Variants in ROBO1 observed in about 807,000 individuals in gnomAD.
ROBO1 encodes the protein roundabout homolog 1.
Under a neutral mutation model 195.9 loss-of-function variants are expected in ROBO1, and 149 were observed. The observed-to-expected ratio is 0.76, with a 90% CI of 0.67 to 0.87. The LOEUF (loss-of-function observed/expected upper bound fraction) is 0.87, where lower values mean the gene tolerates loss of function less well. Among genes scored for constraint, ROBO1 ranks in the 40% least tolerant of loss-of-function variants. ROBO1 has a pLI of 0.00. For missense variants in ROBO1, 1,933 were observed against 2,068.3 expected, an observed-to-expected ratio of 0.93 and a Z score of 1.27; for synonymous variants, 816 against 733.2, an observed-to-expected ratio of 1.11 and a Z score of -1.82.
At chr3:78,620,507 G>A (rs762573839) in intron 26 of ROBO1, among the ~76,000 whole-genome samples, 16 of 151,694 alleles carry the variant, frequency 1.1e-4, no homozygotes, top group African/African-American at 1.4e-4. Context: ...GGGAGACTCC[G>A]TCTCAAAAAA....
intron 2 of ROBO1, among the ~76,000 whole-genome samples, chr3:79,361,055 A>G (rs1559844858): frequency 6.6e-6 from 1 of 152,094 alleles, no homozygotes; most frequent in East Asian, 1.9e-4. Context: ...TTCTTTGTTT[A>G]GTCTGAAGTA....
At chr3:79,542,515 C>T (rs1942110944) in intron 2 of ROBO1, among the ~76,000 whole-genome samples, 1 of 152,034 alleles carries the variant, frequency 6.6e-6, no homozygotes, top group Non-Finnish European at 1.5e-5. Flanking sequence ...GCTTCAGCTA[C>T]ATCTTCAATT....
intron 3 of ROBO1, among the ~76,000 whole-genome samples, chr3:79,052,226 G>T (rs911908692): frequency 2.6e-5 from 4 of 152,052 alleles, no homozygotes; most frequent in African/African-American, 9.7e-5. Flanking sequence ...GGCCGCTCTG[G>T]GAGTGTTTGT....
chr3:78,604,608 A>G (rs1703363644), intron 29 of ROBO1, among the ~76,000 whole-genome samples: 1 of 152,222 alleles, frequency 6.6e-6, no homozygotes, highest in Non-Finnish European at 1.5e-5. Flanking sequence ...TAGAGGCATC[A>G]GCCTGAAATG....
At chr3:78,816,341 TTATTGACAATGTACCCAGTCACC>T (rs56710887) in intron 4 of ROBO1, among the ~76,000 whole-genome samples, 99,231 of 151,678 alleles carry the variant, frequency 0.65, 33,721 homozygotes, top group South Asian at 0.8. Flanking sequence ...ATATTACTGC[TTATTGACAATGTACCCAGTCACC>T]TGAGAACTCT....
intron 10 of ROBO1, among the ~76,000 whole-genome samples, chr3:78,677,884 C>A (rs1018674924): frequency 3.3e-5 from 5 of 151,486 alleles, no homozygotes; most frequent in African/African-American, 4.8e-5. Context: ...TTTTTCAGCA[C>A]CACACCACAC....
chr3:79,180,311 T>C (rs2081319168), intron 2 of ROBO1, among the ~76,000 whole-genome samples: 1 of 152,216 alleles, frequency 6.6e-6, no homozygotes, highest in Non-Finnish European at 1.5e-5. Context: ...AAGACCTTTA[T>C]TTCAGGCACT....
chr3:79,721,674 T>A (rs1431689851), intron 1 of ROBO1, among the ~76,000 whole-genome samples: 1 of 152,304 alleles, frequency 6.6e-6, no homozygotes, highest in Admixed American at 6.5e-5. Flanking sequence ...AAAAGTGAAA[T>A]GCAGGATGAG....
intron 10 of ROBO1, among the ~76,000 whole-genome samples, chr3:78,671,561 T>A (rs1708066902): frequency 6.6e-6 from 1 of 151,682 alleles, no homozygotes; most frequent in South Asian, 2.1e-4. Context: ...TCCTCATTTG[T>A]CATGCAATAA....
intron 3 of ROBO1, among the ~76,000 whole-genome samples, chr3:79,051,834 G>T (rs920616580): frequency 2.0e-5 from 3 of 151,948 alleles, no homozygotes; most frequent in African/African-American, 4.8e-5. Flanking sequence ...AGATTTCATG[G>T]ACACTGATCA....
intron 1 of ROBO1, among the ~76,000 whole-genome samples, chr3:79,693,610 A>AT (rs993347142): frequency 6.6e-6 from 1 of 151,370 alleles, no homozygotes; most frequent in African/African-American, 2.4e-5. Context: ...TTTTATAATT[A>AT]TTTTTTCACA....
intron 2 of ROBO1, among the ~76,000 whole-genome samples, chr3:79,396,150 G>T (rs960680183): frequency 6.6e-5 from 10 of 151,920 alleles, no homozygotes; most frequent in African/African-American, 2.2e-4. Context: ...CTGAATGCAG[G>T]GGCTTTAATG....
At chr3:78,840,260 T>A (rs1227971559) in intron 4 of ROBO1, among the ~76,000 whole-genome samples, 1 of 152,168 alleles carries the variant, frequency 6.6e-6, no homozygotes, top group Non-Finnish European at 1.5e-5. Flanking sequence ...TGCGATTTGG[T>A]AATATCTGAA....
At chr3:78,869,545 C>A (rs1040729039) in intron 4 of ROBO1, among the ~76,000 whole-genome samples, 1 of 152,114 alleles carries the variant, frequency 6.6e-6, no homozygotes, top group Admixed American at 6.6e-5. Flanking sequence ...GCAGCCCCAA[C>A]CTCTTTGGTC....
chr3:79,554,447 G>T (rs1052784048), intron 2 of ROBO1, among the ~76,000 whole-genome samples: 6 of 151,956 alleles, frequency 3.9e-5, no homozygotes, highest in African/African-American at 1.4e-4. Flanking sequence ...GAACATTTAA[G>T]AATTGCATGA....
chr3:78,642,695 G>A (rs79832637), intron 21 of ROBO1, among the ~76,000 whole-genome samples: 7,106 of 152,214 alleles, frequency 0.047, 204 homozygotes, highest in African/African-American at 0.068. Flanking sequence ...GAGTAGCAAC[G>A]GCTACTTAAT....
At chr3:79,487,506 C>T (rs954489395) in intron 2 of ROBO1, among the ~76,000 whole-genome samples, 17 of 152,278 alleles carry the variant, frequency 1.1e-4, no homozygotes, top group East Asian at 3.9e-4. Flanking sequence ...GGAACCACTG[C>T]GCCGAGCCAA....
chr3:78,916,569 A>AAG (rs1438226832), intron 4 of ROBO1, among the ~76,000 whole-genome samples: 14 of 151,842 alleles, frequency 9.2e-5, no homozygotes, highest in Admixed American at 5.9e-4. Flanking sequence ...AAAAAAAAAA[A>AAG]AAAAGAAAAA....
intron 3 of ROBO1, among the ~76,000 whole-genome samples, chr3:79,105,178 C>A (rs1221553670): frequency 6.6e-6 from 1 of 151,552 alleles, no homozygotes; most frequent in Non-Finnish European, 1.5e-5. Flanking sequence ...GTTTAACACA[C>A]GTGGGGAAAG....
Sources: allele counts gnomAD v4.1 joint callset (sites outside exome capture counted in the v4.1 genomes callset), GRCh38; gene constraint gnomAD v4.1.1; transcripts MANE v1.5; gene names NCBI Gene and HGNC (gene_info 2026-07-23, HGNC 2026-07-21).